The following GPATCH2 variants were observed in gnomAD, a reference collection of about 807,000 sequenced individuals.
GPATCH2 encodes G patch domain-containing protein 2.
In GPATCH2, 51 loss-of-function variants were observed where a neutral mutation model predicts 58.0. The ratio of observed to expected loss-of-function variants is 0.88; its 90% confidence interval spans 0.70 to 1.11. GPATCH2 has a LOEUF of 1.11. Among genes scored for constraint, GPATCH2 ranks in the 50% most tolerant of loss-of-function variants. GPATCH2 has a pLI of 0.00. For missense variants in GPATCH2, 625 were observed against 652.2 expected, an observed-to-expected ratio of 0.96 and a Z score of 0.45; for synonymous variants, 222 against 218.5, an observed-to-expected ratio of 1.02 and a Z score of -0.14.
intron 5 of GPATCH2, among the ~76,000 whole-genome samples, chr1:217,566,144 A>C (rs1411873933): frequency 1.3e-5 from 2 of 151,592 alleles, no homozygotes; most frequent in African/African-American, 4.8e-5. Context: ...CCAATAAAAT[A>C]AGATGAAAAA....
chr1:217,498,282 A>G (rs564091610), intron 7 of GPATCH2, 74 bp downstream of exon 7: 2 of 1,087,784 alleles, frequency 1.8e-6, no homozygotes, highest in East Asian at 4.7e-5. Flanking sequence ...AAGCTGATCT[A>G]CTCTCCTGAA....
intron 5 of GPATCH2, among the ~76,000 whole-genome samples, chr1:217,589,174 G>C (rs535181577): frequency 1.7e-4 from 26 of 152,214 alleles, no homozygotes; most frequent in Non-Finnish European, 3.7e-4. Flanking sequence ...CATATGTCAT[G>C]TCAAGTCACT....
chr1:217,531,694 T>C (rs1439627288), intron 5 of GPATCH2, among the ~76,000 whole-genome samples: 1 of 152,120 alleles, frequency 6.6e-6, no homozygotes. Flanking sequence ...CTAAAACATT[T>C]TTGACAAGTT....
intron 8 of GPATCH2, among the ~76,000 whole-genome samples, chr1:217,466,227 A>T (rs1186740232): frequency 6.6e-6 from 1 of 152,150 alleles, no homozygotes; most frequent in Non-Finnish European, 1.5e-5. Context: ...CATTAAAAAT[A>T]TATTTACGTA....
chr1:217,614,085 TCCA>T (rs1668766301), intron 3 of GPATCH2, 53 bp downstream of exon 3: 1 of 932,516 alleles, frequency 1.1e-6, no homozygotes, highest in African/African-American at 1.6e-5. Context: ...AGTAATAAGC[TCCA>T]CTTTAGAATG....
At chr1:217,525,873 C>G (rs929615303) in intron 5 of GPATCH2, among the ~76,000 whole-genome samples, 9 of 151,996 alleles carry the variant, frequency 5.9e-5, no homozygotes, top group Non-Finnish European at 1.2e-4. Context: ...TATAAGCAGA[C>G]TAGGAAAACT....
At chr1:217,551,995 A>AT (rs1010639714) in intron 5 of GPATCH2, among the ~76,000 whole-genome samples, 2 of 152,136 alleles carry the variant, frequency 1.3e-5, no homozygotes, top group Non-Finnish European at 2.9e-5. Context: ...AAATAAGATA[A>AT]TTTTTTAAAT....
chr1:217,563,867 G>T (rs965522014), intron 5 of GPATCH2, among the ~76,000 whole-genome samples: 2 of 151,616 alleles, frequency 1.3e-5, no homozygotes, highest in African/African-American at 4.8e-5. Flanking sequence ...CAACATGGAG[G>T]AACCCCGTCT....
In GPATCH2 at chr1:217,499,170, T is replaced by C. The variant is rs72745400; in HGVS notation, c.1167-775A>G. On this transcript the variant is annotated intron_variant, in intron 6 of 9. Coordinates refer to ENST00000366935, the MANE Select transcript of GPATCH2 (RefSeq NM_018040.5). ...AGGACTAGGAGATTGAGAGAGGTAT[T>C]ATGGCAAATCAATCACTAAAGGCCC... is the stretch of plus-strand genomic sequence containing the variant. Among the ~76,000 whole-genome samples, 1,158 of 152,284 alleles carry C rather than the reference T, an allele frequency of 7.6e-3. 8 individuals carry two copies. The highest frequency in any genetic ancestry group is 0.014 in the Middle Eastern group (4 of 292).
chr1:217,581,377 A>C (rs1440344761), intron 5 of GPATCH2, among the ~76,000 whole-genome samples: 3 of 152,270 alleles, frequency 2.0e-5, no homozygotes, highest in East Asian at 3.8e-4. Context: ...AGACAAAGGC[A>C]AGATGACAGA....
intron 5 of GPATCH2, among the ~76,000 whole-genome samples, chr1:217,560,550 C>A (rs919278829): frequency 2.0e-5 from 3 of 152,164 alleles, no homozygotes; most frequent in African/African-American, 7.2e-5. Flanking sequence ...CACATTTTGC[C>A]TTAAGGTTAT....
intron 6 of GPATCH2, among the ~76,000 whole-genome samples, chr1:217,501,597 G>C (rs756198689): frequency 1.3e-5 from 2 of 152,000 alleles, no homozygotes; most frequent in Non-Finnish European, 1.5e-5. Context: ...ATCCTCATTG[G>C]CATTCGATGC....
chr1:217,584,666 A>G (rs1221758972), intron 5 of GPATCH2, among the ~76,000 whole-genome samples: 1 of 152,136 alleles, frequency 6.6e-6, no homozygotes, highest in African/African-American at 2.4e-5. Flanking sequence ...GGAAGCAACC[A>G]GGGTAGATAC....
At chr1:217,468,432 G>A (rs1234584441) in intron 8 of GPATCH2, among the ~76,000 whole-genome samples, 1 of 151,148 alleles carries the variant, frequency 6.6e-6, no homozygotes, top group Admixed American at 6.6e-5. Flanking sequence ...AGAGAAAATC[G>A]GCAACATTCC....
chr1:217,503,809 T>C (rs948032184), intron 6 of GPATCH2, among the ~76,000 whole-genome samples: 4 of 152,080 alleles, frequency 2.6e-5, no homozygotes, highest in Non-Finnish European at 4.4e-5. Context: ...AAAAAAAGTG[T>C]GCTAAGTGCC....
intron 5 of GPATCH2, among the ~76,000 whole-genome samples, chr1:217,537,347 G>C (rs1365706260): frequency 6.6e-6 from 1 of 152,126 alleles, no homozygotes; most frequent in Non-Finnish European, 1.5e-5. Context: ...TTAAGACAGT[G>C]TGTGGCACAT....
chr1:217,617,434 C>T (rs1232743298), intron 2 of GPATCH2, among the ~76,000 whole-genome samples: 1 of 152,136 alleles, frequency 6.6e-6, no homozygotes, highest in African/African-American at 2.4e-5. Flanking sequence ...CTGGCTATCC[C>T]AGACTATGCA....
chr1:217,556,788 T>G (rs551164279), intron 5 of GPATCH2, among the ~76,000 whole-genome samples: 99 of 152,330 alleles, frequency 6.5e-4, no homozygotes, highest in African/African-American at 2.3e-3. Context: ...TTTTCCAAAA[T>G]AGATAAATCA....
chr1:217,514,961 T>C, intron 5 of GPATCH2, 72 bp from the exon 6 acceptor site: 2 of 740,588 alleles, frequency 2.7e-6, no homozygotes, highest in East Asian at 2.7e-5. Flanking sequence ...AATAGTGATA[T>C]ATCAATTTGA....
Sources: allele counts gnomAD v4.1 joint callset (sites outside exome capture counted in the v4.1 genomes callset), GRCh38; gene constraint gnomAD v4.1.1; transcripts MANE v1.5; gene names NCBI Gene and HGNC (gene_info 2026-07-23, HGNC 2026-07-21).